The following PRKCZ variants were observed in gnomAD, a reference collection of about 807,000 sequenced individuals.
The protein encoded by PRKCZ is protein kinase C zeta type.
A neutral mutation model predicts 79.5 loss-of-function variants in PRKCZ; 33 were observed. That is an observed-to-expected ratio of 0.41 (90% CI 0.31 to 0.55). PRKCZ has a LOEUF of 0.55. Ranked by LOEUF, PRKCZ falls within the 20% of genes least tolerant of loss-of-function variation. The pLI, the probability that PRKCZ is intolerant of heterozygous loss-of-function variation, is 0.19. For missense variants in PRKCZ, 578 were observed against 813.5 expected (o/e 0.71, Z 3.52); for synonymous variants, 342 against 320.9 (o/e 1.07, Z -0.70).
chr1:2,053,145 G>A (rs1659843890), intron 1 of PRKCZ, among the ~76,000 whole-genome samples: 1 of 147,502 alleles, frequency 6.8e-6, no homozygotes, highest in Non-Finnish European at 1.5e-5. Flanking sequence ...TCGCTGTGTT[G>A]CCCAGGCTGC....
At chr1:2,054,389 G>A (rs548740054) in intron 1 of PRKCZ, among the ~76,000 whole-genome samples, 4 of 152,080 alleles carry the variant, frequency 2.6e-5, no homozygotes, top group South Asian at 2.1e-4. Flanking sequence ...TCCCCTCCAC[G>A]CAGGGTGAGA....
intron 4 of PRKCZ, among the ~76,000 whole-genome samples, chr1:2,115,674 C>G (rs887682055): frequency 3.3e-5 from 5 of 152,220 alleles, no homozygotes; most frequent in African/African-American, 1.2e-4. Context: ...TGACCCCTTC[C>G]TGAGGCTCGG....
At chr1:2,092,101 G>A (rs894227194) in intron 4 of PRKCZ, among the ~76,000 whole-genome samples, 2 of 152,152 alleles carry the variant, frequency 1.3e-5, no homozygotes, top group Non-Finnish European at 2.9e-5. Flanking sequence ...GGACCGGCAG[G>A]CATCGCGCTT....
At chr1:2,134,260 G>A (rs147425895) in intron 4 of PRKCZ, among the ~76,000 whole-genome samples, 352 of 152,306 alleles carry the variant, frequency 2.3e-3, no homozygotes, top group African/African-American at 8.0e-3. Flanking sequence ...TTTACCATCC[G>A]TGTGGCCTGA....
rs58233626 is a variant in PRKCZ at position 2,117,998 on chromosome 1, C to CCTTTT, written c.335-17264_335-17263insCTTTT. Among the ~76,000 whole-genome samples, 7 of 65,058 alleles carry CCTTTT rather than the reference C, an allele frequency of 1.1e-4. 1 individual carries two copies. Among genetic ancestry groups the CCTTTT allele is most frequent in the Admixed American group, 2.4e-4 (1 of 4,220 alleles). The allele number at this position is 65,058 out of a possible 152,430, so 42.7% of individuals were successfully genotyped here. A position where few individuals can be genotyped will look rare whatever the true frequency, so the allele number is the denominator to read the frequency against. On this transcript the variant is annotated intron_variant, in intron 4 of 17. Transcript: ENST00000378567. ...TATGAGAGAGATTAGCCTATTATTT[C>CCTTTT]TTTTTTTTTTTTTTTTGGAGTCTCA...
chr1:2,118,559 G>A (rs956250800), intron 4 of PRKCZ, among the ~76,000 whole-genome samples: 3 of 150,326 alleles, frequency 2.0e-5, no homozygotes, highest in Non-Finnish European at 4.4e-5. Context: ...GGATGGTCTC[G>A]ATCTCCTGAC....
In PRKCZ at chr1:2,124,811, G is replaced by A. The variant is rs137900598; in HGVS notation, c.335-10451G>A. Among the ~76,000 whole-genome samples, 912 of 151,960 alleles carry A rather than the reference G, an allele frequency of 6.0e-3. 14 individuals are homozygous for A. The highest frequency in any genetic ancestry group is 0.02 in the African/African-American group (843 of 41,436). ...CGTGCATGTGCAGGGCTTGGGTGGC[G>A]CATCTCTCTGGCAACACCTTCTCTT... On this transcript the variant is annotated intron_variant, in intron 4 of 17. Transcript: ENST00000378567.
chr1:2,161,020 C>T (rs921629910), intron 10 of PRKCZ, among the ~76,000 whole-genome samples: 2 of 152,030 alleles, frequency 1.3e-5, no homozygotes, highest in African/African-American at 4.8e-5. Flanking sequence ...CAGCCTCGGC[C>T]GCGACCTTGG....
chr1:2,141,805 A>G (rs1677376675), intron 5 of PRKCZ: 1 of 187,868 alleles, frequency 5.3e-6, no homozygotes, highest in Non-Finnish European at 1.1e-5. Flanking sequence ...TGGTTTTAGA[A>G]ATGGAAGCTG....
chr1:2,155,121 C>T (rs567568538), intron 9 of PRKCZ, among the ~76,000 whole-genome samples: 18 of 151,392 alleles, frequency 1.2e-4, no homozygotes, highest in Non-Finnish European at 2.1e-4. Context: ...ATGATGGTGA[C>T]AATGATGGTG....
rs1687372715 is a variant in PRKCZ, at chr1:2,185,039, G to A, written c.*30G>A. On this transcript the variant is annotated 3_prime_UTR_variant, in exon 18 of 18. Coordinates refer to ENST00000378567, the MANE Select transcript of PRKCZ (RefSeq NM_002744.6). ...GCGTGCGTCTCTGTCGTGGACACGC[G>A]TGATTGACCCTTTAACTGTATCCTT... 5.1e-6 allele frequency: 8 copies of A among 1,569,968 alleles called. No individual in the cohort carries two copies. In the South Asian group the frequency reaches 5.7e-5, roughly 11 times the overall value.
intron 5 of PRKCZ, among the ~76,000 whole-genome samples, chr1:2,137,624 G>A (rs992566651): frequency 1.3e-5 from 2 of 152,154 alleles, no homozygotes; most frequent in Admixed American, 6.5e-5. Context: ...TCTGCATGAC[G>A]GATTAGCCCA....
chr1:2,072,418 C>G (rs1661680869), intron 4 of PRKCZ, among the ~76,000 whole-genome samples: 1 of 152,374 alleles, frequency 6.6e-6, no homozygotes, highest in South Asian at 2.1e-4. Flanking sequence ...GAGACCTCCT[C>G]TTGCCTCGCG....
intron 3 of PRKCZ, among the ~76,000 whole-genome samples, chr1:2,057,072 A>G (rs1660237984): frequency 6.6e-6 from 1 of 152,156 alleles, no homozygotes; most frequent in Admixed American, 6.5e-5. Context: ...TGCTCTTAAC[A>G]AAGAACCCGT....
intron 5 of PRKCZ, chr1:2,141,831 G>A: frequency 4.4e-6 from 1 of 225,448 alleles, no homozygotes; most frequent in African/African-American, 2.3e-5. Context: ...CTTCTGCGCT[G>A]TGGACGCGGA....
rs989091560 is a variant in PRKCZ, at chr1:2,180,896, C to T, written c.1576-3687C>T. On this transcript the variant is annotated intron_variant, in intron 16 of 17. Coordinates refer to ENST00000378567, the MANE Select transcript of PRKCZ (RefSeq NM_002744.6). ...TGCAGGGTGGTCTCAGGGACCTCCT[C>T]TCATCATTGCCAAGAACTGGCTCCA... Among the ~76,000 whole-genome samples the T allele has an allele frequency of 9.2e-5, 14 of 152,308 alleles. No homozygotes were observed. The East Asian group carries it at 2.5e-3, about 27-fold the overall frequency.
chr1:2,164,950 A>G (rs3128305), intron 10 of PRKCZ, among the ~76,000 whole-genome samples: 1 of 152,142 alleles, frequency 6.6e-6, no homozygotes, highest in African/African-American at 2.4e-5. Flanking sequence ...GGCTCCAGGA[A>G]GGTGAGGGGC....
In PRKCZ at chr1:2,125,256, G is replaced by T. The variant is rs573780962; in HGVS notation, c.335-10006G>T. The stretch of plus-strand genomic sequence containing the variant: ...GAATTTATTTGCAACTGACTGCTTG[G>T]AAGTTGGCGTACATCTTTCCACGGA... On this transcript the variant is annotated intron_variant, in intron 4 of 17. Coordinates refer to ENST00000378567, the MANE Select transcript of PRKCZ (RefSeq NM_002744.6). This position sits in a 1 kb window ranked among gnomAD's most constrained non-coding sequence, Gnocchi z 4.2. Among the ~76,000 whole-genome samples the T allele has an allele frequency of 6.6e-6, 1 of 152,342 alleles. No homozygotes were observed. Among genetic ancestry groups the T allele is most frequent in the South Asian group, 2.1e-4 (1 of 4,828 alleles).
rs540165598 is a variant in PRKCZ at position 2,125,279 on chromosome 1, G to T, written c.335-9983G>T. Among the ~76,000 whole-genome samples, 334 of 152,310 alleles carry T rather than the reference G, an allele frequency of 2.2e-3. No individual in the cohort carries two copies. Among genetic ancestry groups the T allele is most frequent in the Non-Finnish European group, 4.2e-3 (283 of 68,036 alleles). On this transcript the variant is annotated intron_variant, in intron 4 of 17. Transcript: ENST00000378567. The surrounding 1 kb of genome is among the most constrained non-coding windows in gnomAD (Gnocchi z 4.2). ...TGGAAGTTGGCGTACATCTTTCCAC[G>T]GAAACTATGAAAATACTGGTCAGCC...
Sources: gnomAD v4.1 joint callset for allele counts (sites outside exome capture counted in the v4.1 genomes callset) on GRCh38, gnomAD v4.1.1 for gene constraint, Gnocchi (gnomAD v3.1) non-coding constraint, MANE v1.5 for transcripts, NCBI Gene and HGNC (gene_info 2026-07-23, HGNC 2026-07-21) for gene names.